The following SUGCT variants were observed in gnomAD, a reference collection of about 807,000 sequenced individuals.
The protein encoded by SUGCT is succinyl-CoA:glutarate CoA-transferase.
In SUGCT, 41 loss-of-function variants were observed where a neutral mutation model predicts 55.0. The ratio of observed to expected loss-of-function variants is 0.74; its 90% CI spans 0.58 to 0.97. The LOEUF (loss-of-function observed/expected upper bound fraction) is 0.97, where lower values mean the gene tolerates loss of function less well. Among genes scored for constraint, SUGCT ranks in the 50% least tolerant of loss-of-function variants. The pLI, the probability that SUGCT is intolerant of heterozygous loss-of-function variation, is 0.00. For missense variants in SUGCT, 568 were observed against 547.8 expected (o/e 1.04, Z -0.37); for synonymous variants, 187 against 200.4 (o/e 0.93, Z 0.56).
chr7:40,703,841 G>A (rs1785272510), intron 12 of SUGCT, among the ~76,000 whole-genome samples: 1 of 152,146 alleles, frequency 6.6e-6, no homozygotes, highest in Non-Finnish European at 1.5e-5. Flanking sequence ...CCAAATAATA[G>A]CAACATGTGG....
intron 12 of SUGCT, among the ~76,000 whole-genome samples, chr7:40,594,313 C>G (rs985378419): frequency 2.2e-5 from 3 of 139,376 alleles, no homozygotes; most frequent in African/African-American, 8.2e-5. Flanking sequence ...TACCCTAAAA[C>G]TTAAAGTATA....
At chr7:40,194,889 T>A in intron 5 of SUGCT, 51 bp from the exon 6 acceptor site, 1 of 1,575,460 alleles carries the variant, frequency 6.3e-7, no homozygotes, top group Non-Finnish European at 8.6e-7. Context: ...AATTCTATCA[T>A]GTGGGGATTT....
chr7:40,490,064 G>A (rs2024015), intron 11 of SUGCT, among the ~76,000 whole-genome samples: 4,801 of 152,244 alleles, frequency 0.032, 108 homozygotes, highest in Middle Eastern at 0.048. Flanking sequence ...GACAACCATG[G>A]CCAGTGCCAC....
chr7:40,567,377 A>G (rs1040146245), intron 12 of SUGCT, among the ~76,000 whole-genome samples: 40 of 152,328 alleles, frequency 2.6e-4, no homozygotes, highest in African/African-American at 9.1e-4. Flanking sequence ...GTGGTCTGCA[A>G]TATTTTACTC....
intron 9 of SUGCT, among the ~76,000 whole-genome samples, chr7:40,384,138 A>G (rs1385859640): frequency 1.3e-5 from 2 of 152,184 alleles, no homozygotes; most frequent in African/African-American, 2.4e-5. Flanking sequence ...GGTAAATACT[A>G]TAGATAAGGG....
chr7:40,199,341 T>C lies in SUGCT; in HGVS notation c.484+4281T>C, dbSNP rs1172189214. Among the ~76,000 whole-genome samples the C allele has an allele frequency of 2.0e-5, 3 of 152,202 alleles. No individual in the cohort carries two copies. The East Asian group carries it at 5.8e-4, about 29-fold the overall frequency. On this transcript the variant is annotated intron_variant, in intron 6 of 13. Transcript: ENST00000335693. ...GATCACAAGGGAGGAAGGACCTGAT[T>C]ATTTTTATTAGCATGGTCCTCTTAT...
chr7:40,531,793 C>A (rs541126942), intron 12 of SUGCT, among the ~76,000 whole-genome samples: 19 of 151,956 alleles, frequency 1.3e-4, no homozygotes, highest in African/African-American at 4.3e-4. Flanking sequence ...TCTGGCTCAG[C>A]CTCCCGAGTA....
chr7:40,676,755 G>C (rs1784005800), intron 12 of SUGCT, among the ~76,000 whole-genome samples: 1 of 152,008 alleles, frequency 6.6e-6, no homozygotes, highest in African/African-American at 2.4e-5. Context: ...CTCCCACCTT[G>C]GCCTCCCAAA....
At position 40,333,973 on chromosome 7, in the gene SUGCT, A is replaced by G. The variant is rs1373364402; in HGVS notation, c.816+17118A>G. Among the ~76,000 whole-genome samples, 7 of 151,790 alleles carry G rather than the reference A, an allele frequency of 4.6e-5. No individual in the cohort carries two copies. The South Asian group carries it at 8.3e-4, about 18-fold the overall frequency. On this transcript the variant is annotated intron_variant, in intron 9 of 13. Coordinates refer to ENST00000335693, the MANE Select transcript of SUGCT (RefSeq NM_001193313.2). ...TGTGTCCAAGTGTTCTCATTGTTCA[A>G]TTCCCACCTATGAGTGAGAACATGC...
At chr7:40,380,136 A>G (rs1412297682) in intron 9 of SUGCT, among the ~76,000 whole-genome samples, 1 of 152,148 alleles carries the variant, frequency 6.6e-6, no homozygotes, top group Non-Finnish European at 1.5e-5. Context: ...GCTAATGGGG[A>G]TTCCAAGGAG....
At chr7:40,278,827 A>AT (rs1554300621) in intron 8 of SUGCT, among the ~76,000 whole-genome samples, 3,535 of 46,994 alleles carry the variant, frequency 0.075, 46 homozygotes, top group South Asian at 0.13. Flanking sequence ...CAGATCTTAC[A>AT]TTTTTTTTTT....
At chr7:40,624,038 C>T (rs775666287) in intron 12 of SUGCT, among the ~76,000 whole-genome samples, 39 of 152,222 alleles carry the variant, frequency 2.6e-4, no homozygotes, top group African/African-American at 3.9e-4. Context: ...AATGGACATG[C>T]GTTAAACAGG....
chr7:40,459,287 T>A (rs1392887843), intron 11 of SUGCT, 89 bp downstream of exon 11: 6 of 826,154 alleles, frequency 7.3e-6, no homozygotes, highest in Non-Finnish European at 1.1e-5. Flanking sequence ...CTTGGCTTAT[T>A]TGAGATCAAT....
intron 8 of SUGCT, among the ~76,000 whole-genome samples, chr7:40,282,082 C>T (rs568141111): frequency 6.6e-6 from 1 of 152,206 alleles, no homozygotes; most frequent in South Asian, 2.1e-4. Flanking sequence ...AGGCATGAGC[C>T]ACCGCACCCA....
intron 7 of SUGCT, among the ~76,000 whole-genome samples, chr7:40,255,843 G>T (rs1790780422): frequency 6.6e-6 from 1 of 152,096 alleles, no homozygotes; most frequent in Admixed American, 6.6e-5. Flanking sequence ...CTTGTACATA[G>T]ATCTTTGAAA....
chr7:40,356,142 G>A (rs1268003504), intron 9 of SUGCT, among the ~76,000 whole-genome samples: 4 of 152,192 alleles, frequency 2.6e-5, no homozygotes, highest in Non-Finnish European at 5.9e-5. Flanking sequence ...ATGTGGGAAT[G>A]GAAATCTCAC....
chr7:40,563,424 G>A (rs1359345113), intron 12 of SUGCT, among the ~76,000 whole-genome samples: 1 of 152,078 alleles, frequency 6.6e-6, no homozygotes, highest in Non-Finnish European at 1.5e-5. Context: ...TCATTATTTG[G>A]GCTGTGTGTG....
At chr7:40,669,215 C>T (rs1398911676) in intron 12 of SUGCT, among the ~76,000 whole-genome samples, 1 of 151,978 alleles carries the variant, frequency 6.6e-6, no homozygotes. Flanking sequence ...AAATGGGGAA[C>T]CTAGACTTCT....
At chr7:40,240,816 G>A (rs1789331406) in intron 7 of SUGCT, among the ~76,000 whole-genome samples, 1 of 152,242 alleles carries the variant, frequency 6.6e-6, no homozygotes, top group South Asian at 2.1e-4. Context: ...CCTACGCGGT[G>A]GAGCCCAAGT....
Sources: gnomAD v4.1 joint callset for allele counts (sites outside exome capture counted in the v4.1 genomes callset) on GRCh38, gnomAD v4.1.1 for gene constraint, MANE v1.5 for transcripts, NCBI Gene and HGNC (gene_info 2026-07-23, HGNC 2026-07-21) for gene names.